Variants in PTPRH observed in about 807,000 individuals in gnomAD.
PTPRH encodes the protein receptor-type tyrosine-protein phosphatase H.
PTPRH carries 113 observed loss-of-function variants against 130.2 expected under a neutral mutation model. The observed-to-expected ratio is 0.87, with a 90% CI of 0.75 to 1.01. The LOEUF (loss-of-function observed/expected upper bound fraction) is 1.01. PTPRH is among the 50% of genes least tolerant of loss of function. The pLI is 0.00. For missense variants in PTPRH, 1,430 were observed against 1,425.0 expected (o/e 1.00, Z -0.06); for synonymous variants, 556 against 577.9 (o/e 0.96, Z 0.54).
At chr19:55,203,326 CAAAA>C (rs531285040) in intron 5 of PTPRH, among the ~76,000 whole-genome samples, 1 of 75,168 alleles carries the variant, frequency 1.3e-5, no homozygotes, top group African/African-American at 4.9e-5. Flanking sequence ...GACTCTGTCT[CAAAA>C]AAAAAAAAAA....
At chr19:55,184,901 G>T (rs568832540) in intron 18 of PTPRH, among the ~76,000 whole-genome samples, 1 of 152,250 alleles carries the variant, frequency 6.6e-6, no homozygotes, top group East Asian at 1.9e-4. Flanking sequence ...TGTCTCCAGT[G>T]TTTCTCAGAA....
In PTPRH at chr19:55,182,043, C is replaced by G; in HGVS notation, c.3171G>C (p.Glu1057Asp). Residue 1057 changes from glutamate to aspartate, a missense_variant, in exon 19 of 20, where the codon GAG becomes GAC. Coordinates refer to ENST00000376350, the MANE Select transcript of PTPRH (RefSeq NM_002842.5). ...GPFSFVRKMR[E>D]SRPLMVQTEA... ...CAGTCTGCACCATCAACGGCCGACTCTCTCTCATCTTCCTTACAAAGCTGA... is the reference window on the plus strand; with the variant it reads ...CAGTCTGCACCATCAACGGCCGACTGTCTCTCATCTTCCTTACAAAGCTGA... 1.9e-6 allele frequency: 3 copies of G among 1,614,136 alleles called. No homozygotes were observed. Among genetic ancestry groups the G allele is most frequent in the Non-Finnish European group, 2.5e-6 (3 of 1,180,032 alleles).
chr19:55,184,805 TAATAAAATAA>T (rs1468994145), intron 18 of PTPRH, among the ~76,000 whole-genome samples: 4,045 of 150,718 alleles, frequency 0.027, 173 homozygotes, highest in African/African-American at 0.093. Flanking sequence ...TAAAATAAAA[TAATAAAATAA>T]AATAAAATAA....
At chr19:55,200,034 C>T (rs777105271) in intron 7 of PTPRH, among the ~76,000 whole-genome samples, 5 of 152,290 alleles carry the variant, frequency 3.3e-5, no homozygotes, top group African/African-American at 9.6e-5. Flanking sequence ...CCACACTCAG[C>T]GGGAGAAGTC....
At chr19:55,198,389 G>C (rs1600048950) in intron 8 of PTPRH, among the ~76,000 whole-genome samples, 1 of 152,226 alleles carries the variant, frequency 6.6e-6, no homozygotes, top group Non-Finnish European at 1.5e-5. Context: ...GGTGGTGCTG[G>C]ACAATTGAGG....
At chr19:55,195,095 C>T (rs539074273) in intron 10 of PTPRH, among the ~76,000 whole-genome samples, 15 of 152,184 alleles carry the variant, frequency 9.9e-5, no homozygotes, top group South Asian at 2.1e-4. Context: ...GAGGCCGAGG[C>T]GGGTGGATCA....
At position 55,182,274 on chromosome 19, in the gene PTPRH, C is replaced by T. The variant is rs1423522738; in HGVS notation, c.3063-123G>A. On this transcript the variant is annotated intron_variant, in intron 18 of 19. Coordinates refer to ENST00000376350, the MANE Select transcript of PTPRH (RefSeq NM_002842.5). ...ACTATGCCTGCTCACACCTGTAATC[C>T]CAGCACTTTGGGAGGCTGAGGCCGG... 12 of 1,213,998 alleles carry T rather than the reference C, an allele frequency of 9.9e-6. No homozygotes were observed. The African/African-American group carries it at 1.7e-4, about 17-fold the overall frequency. 75.2% of individuals were successfully genotyped at this position (1,213,998 alleles called of 1,614,324 possible). A position where few individuals can be genotyped will look rare whatever the true frequency, so the allele number is the denominator to read the frequency against.
At position 55,200,175 on chromosome 19, in the gene PTPRH, G is replaced by A. The variant is rs17700265; in HGVS notation, c.1420+61C>T. 109,116 of 1,580,130 alleles carry A rather than the reference G, an allele frequency of 0.069. 3,844 individuals carry two copies. The highest frequency in any genetic ancestry group is 0.076 in the South Asian group (6,530 of 85,456). On this transcript the variant is annotated intron_variant, in intron 7 of 19. Transcript: ENST00000376350. ...AGCCAGAGCCCAGAAGAGGTGCCAC[G>A]CCGCTCCTGCTGGTTCTTAACCTCT...
intron 12 of PTPRH, 35 bp downstream of exon 12, chr19:55,191,466 T>C: frequency 6.2e-7 from 1 of 1,611,882 alleles, no homozygotes; most frequent in Admixed American, 1.7e-5. Context: ...TTTGACCAGA[T>C]TCTTTCCAAT....
rs1386527329 is a variant in PTPRH at position 55,205,533 on chromosome 19, T to A, written c.412A>T (p.Thr138Ser). 5.6e-6 allele frequency: 9 copies of A among 1,614,206 alleles called. No homozygotes were observed. Among genetic ancestry groups the A allele is most frequent in the Non-Finnish European group, 7.6e-6 (9 of 1,180,034 alleles). Reference sequence around the variant, plus strand: ...TCTGGGCCGTCGGGGACCTCCCAGGTCAGGGCGATGGAGCTGTTGGTCTGA... The same window carrying A: ...TCTGGGCCGTCGGGGACCTCCCAGGACAGGGCGATGGAGCTGTTGGTCTGA... ...EAQTNSSIAL[T>S]WEVPDGPDPQ... The change falls in exon 4 of 20, where the codon ACC (threonine) becomes TCC (serine). Residue 138 changes from threonine (T) to serine (S), a missense_variant. By Grantham distance (58) the Thr-to-Ser change is moderately conservative. Coordinates refer to ENST00000376350, the MANE Select transcript of PTPRH (RefSeq NM_002842.5).
rs1472274345 is a variant in PTPRH at position 55,198,864 on chromosome 19, G to T, written c.1469C>A (p.Thr490Asn). ...SLSKQDWTNSTIALRWTAPQG... is the reference protein window; with the variant it reads ...SLSKQDWTNSNIALRWTAPQG... ...GGGAGCTGTCCAGCGCAAAGCAATG[G>T]TGCTGTTGGTCCAGTCCTGCTTGCT... Residue 490 changes from threonine (T) to asparagine (N), a missense_variant, in exon 8 of 20, where the codon ACC becomes AAC. Physicochemically the swap from Thr to Asn is moderately conservative, Grantham distance 65. Coordinates refer to ENST00000376350, the MANE Select transcript of PTPRH (RefSeq NM_002842.5). 1 of 1,564,474 alleles carries T rather than the reference G, an allele frequency of 6.4e-7. No individual in the cohort carries two copies. Among genetic ancestry groups the T allele is most frequent in the South Asian group, 1.2e-5 (1 of 83,648 alleles).
chr19:55,198,257 A>G (rs565178677), intron 8 of PTPRH, among the ~76,000 whole-genome samples: 1 of 151,932 alleles, frequency 6.6e-6, no homozygotes, highest in South Asian at 2.1e-4. Flanking sequence ...AGTGATTTTG[A>G]TTTTTCTCAT....
chr19:55,194,752 C>A (rs1454190940), intron 10 of PTPRH, among the ~76,000 whole-genome samples: 2 of 152,094 alleles, frequency 1.3e-5, no homozygotes, highest in Non-Finnish European at 2.9e-5. Flanking sequence ...CCCTCAGTTC[C>A]ACTACTGGGT....
At chr19:55,184,306 TAA>T (rs537950126) in intron 18 of PTPRH, among the ~76,000 whole-genome samples, 1 of 150,308 alleles carries the variant, frequency 6.7e-6, no homozygotes, top group African/African-American at 2.5e-5. Context: ...AACAAATAAA[TAA>T]ATAAAATAAA....
chr19:55,187,070 G>C (rs1174245774), intron 14 of PTPRH, among the ~76,000 whole-genome samples: 2 of 150,594 alleles, frequency 1.3e-5, no homozygotes, highest in Non-Finnish European at 3.0e-5. Context: ...GGGGGGCCGG[G>C]CGCAGTGGCT....
intron 18 of PTPRH, among the ~76,000 whole-genome samples, chr19:55,183,679 G>A (rs1421386073): frequency 2.6e-5 from 4 of 151,576 alleles, no homozygotes; most frequent in South Asian, 2.1e-4. Context: ...AGCGGAGATC[G>A]CACCGTTGCA....
At chr19:55,191,970 TC>T in intron 10 of PTPRH, 1 of 661,684 alleles carries the variant, frequency 1.5e-6, no homozygotes. Context: ...CTCCTCCTCC[TC>T]CTCCGCCTAC....
At chr19:55,199,337 A>G (rs1410578949) in intron 7 of PTPRH, among the ~76,000 whole-genome samples, 1 of 151,924 alleles carries the variant, frequency 6.6e-6, no homozygotes, top group Non-Finnish European at 1.5e-5. Flanking sequence ...GGCCGGGCGC[A>G]GTGGCTCACG....
chr19:55,187,294 G>C (rs559340889), intron 14 of PTPRH, among the ~76,000 whole-genome samples: 3 of 123,890 alleles, frequency 2.4e-5, no homozygotes, highest in Non-Finnish European at 4.8e-5. Context: ...GCAGTGAGCC[G>C]AGATCGCGCC....
Sources: allele counts gnomAD v4.1 joint callset (sites outside exome capture counted in the v4.1 genomes callset), GRCh38; gene constraint gnomAD v4.1.1; transcripts MANE v1.5; gene names NCBI Gene and HGNC (gene_info 2026-07-23, HGNC 2026-07-21).